Variants in KANK4 observed in about 807,000 individuals in gnomAD.
KANK4 encodes KN motif and ankyrin repeat domain-containing protein 4.
Under a neutral mutation model 80.8 loss-of-function variants are expected in KANK4, and 50 were observed. The observed-to-expected ratio is 0.62, with a 90% CI of 0.49 to 0.78. The LOEUF (loss-of-function observed/expected upper bound fraction) is 0.78, where lower values mean the gene tolerates loss of function less well. Ranked by LOEUF, KANK4 falls within the 30% of genes least tolerant of loss-of-function variation. The probability of loss-of-function intolerance (pLI) is 0.00; values close to 1 mark genes in which losing one functional copy is unlikely to be tolerated. For synonymous variants in KANK4, 465 were observed against 506.9 expected (o/e 0.92, Z 1.11); for missense variants, 1,196 against 1,240.1 (o/e 0.96, Z 0.53).
intron 8 of KANK4, among the ~76,000 whole-genome samples, chr1:62,250,763 G>A (rs1030585255): frequency 5.9e-5 from 9 of 152,194 alleles, no homozygotes; most frequent in Non-Finnish European, 1.0e-4. Context: ...AACATTAGCT[G>A]TATTGAGTCT....
rs1459969953 is a variant in KANK4 at position 62,275,035 on chromosome 1, G to A, written c.69C>T (p.His23=). 1.9e-6 allele frequency: 3 copies of A among 1,613,876 alleles called. No homozygotes were observed. Among genetic ancestry groups the A allele is most frequent in the South Asian group, 1.1e-5 (1 of 91,072 alleles). Residue 23 remains histidine, a synonymous_variant, in exon 3 of 10, where the codon CAC becomes CAT. Transcript: ENST00000371153. ...GDEEKDPPKS[H]PYSVETPYGF... is the part of the protein sequence containing the mutation. ...CATATGGGGTCTCCACAGAATAAGG[G>A]TGGCTCTTCGGAGGGTCTTTCTCTT... is the stretch of plus-strand genomic sequence containing the variant.
At chr1:62,254,237 A>ATTATTTGT (rs1033181388) in intron 7 of KANK4, among the ~76,000 whole-genome samples, 1 of 152,154 alleles carries the variant, frequency 6.6e-6, no homozygotes, top group Admixed American at 6.5e-5. Context: ...GAAACCTAGC[A>ATTATTTGT]TTATTTGTTT....
At chr1:62,256,170 C>T (rs191318228) in intron 7 of KANK4, among the ~76,000 whole-genome samples, 1 of 152,178 alleles carries the variant, frequency 6.6e-6, no homozygotes, top group Non-Finnish European at 1.5e-5. Flanking sequence ...AGATTGGATA[C>T]CCCTGACTTA....
At chr1:62,304,617 G>C (rs896953811) in intron 1 of KANK4, among the ~76,000 whole-genome samples, 3 of 151,964 alleles carry the variant, frequency 2.0e-5, no homozygotes, top group African/African-American at 7.3e-5. Flanking sequence ...CTCTTCGCTT[G>C]CTCCCACCAG....
intron 1 of KANK4, among the ~76,000 whole-genome samples, chr1:62,290,057 G>A (rs757482913): frequency 6.6e-6 from 1 of 152,160 alleles, no homozygotes; most frequent in Non-Finnish European, 1.5e-5. Context: ...ACAGAGTCCG[G>A]TACATAGTCC....
rs1214795784 is a variant in KANK4, at chr1:62,303,905, A to T, written c.-71+15201T>A. Among the ~76,000 whole-genome samples, 7 of 151,480 alleles carry T rather than the reference A, an allele frequency of 4.6e-5. 1 individual carries two copies. The highest frequency in any genetic ancestry group is 4.6e-4 in the Admixed American group (7 of 15,216). ...TTCTTTTTTTTTGAGACAGGCTCTCATTCTGTCACCCAGGCTGAAGTGCAA... is the reference window on the plus strand; with the variant it reads ...TTCTTTTTTTTTGAGACAGGCTCTCTTTCTGTCACCCAGGCTGAAGTGCAA... On this transcript the variant is annotated intron_variant, in intron 1 of 9. Transcript: ENST00000371153.
chr1:62,256,503 A>G (rs918695019), intron 7 of KANK4, among the ~76,000 whole-genome samples: 1 of 151,712 alleles, frequency 6.6e-6, no homozygotes, highest in Non-Finnish European at 1.5e-5. Flanking sequence ...TTCCTGCCTC[A>G]GCCTGAATAG....
chr1:62,293,999 C>T lies in KANK4; in HGVS notation c.-70-12365G>A, dbSNP rs562549343. On this transcript the variant is annotated intron_variant, in intron 1 of 9. Transcript: ENST00000371153. ...GCCTGCTAGAGCAGGTTCTGGTGTT[C>T]GCAACCGTGACCCTTAATGGCTACA... Among the ~76,000 whole-genome samples the T allele has an allele frequency of 1.6e-3, 238 of 152,316 alleles. 2 individuals are homozygous for T. The highest frequency in any genetic ancestry group is 2.1e-3 in the Non-Finnish European group (140 of 68,034).
chr1:62,266,946 A>G (rs1451792770), intron 5 of KANK4, 127 bp from the exon 6 acceptor site: 7 of 610,396 alleles, frequency 1.1e-5, no homozygotes, highest in Non-Finnish European at 2.9e-6. Flanking sequence ...CTGCCCTAGG[A>G]GAGGGTGAGC....
rs373720870 is a variant in KANK4 at position 62,271,469 on chromosome 1, G to C, written c.2012+9C>G. 1 of 1,579,424 alleles carries C rather than the reference G, an allele frequency of 6.3e-7. No individual in the cohort carries two copies. Among genetic ancestry groups the C allele is most frequent in the Non-Finnish European group, 8.7e-7 (1 of 1,148,608 alleles). ...GAAAGGCAGTCTGAGCTTCACAAGC[G>C]ATGCTTACCCACCGTTAACCCCAAC... is the stretch of plus-strand genomic sequence containing the variant. On this transcript the variant is annotated intron_variant, in intron 4 of 9. Transcript: ENST00000371153.
rs547259380 is a variant in KANK4, at chr1:62,309,767, C to T, written c.-71+9339G>A. Among the ~76,000 whole-genome samples the T allele has an allele frequency of 2.0e-5, 3 of 152,254 alleles. 1 individual carries two copies. Among genetic ancestry groups the T allele is most frequent in the East Asian group, 3.9e-4 (2 of 5,172 alleles). On this transcript the variant is annotated intron_variant, in intron 1 of 9. Transcript: ENST00000371153. Reference sequence around the variant, plus strand: ...TTTCACTCTTCCACGGGCCACACTGCGATGGACTAACAGGTTCTCCTTCCA... The same window carrying T: ...TTTCACTCTTCCACGGGCCACACTGTGATGGACTAACAGGTTCTCCTTCCA...
chr1:62,270,586 G>A (rs1035449427), intron 4 of KANK4, among the ~76,000 whole-genome samples: 1 of 152,034 alleles, frequency 6.6e-6, no homozygotes, highest in Non-Finnish European at 1.5e-5. Context: ...GTTTCACCAT[G>A]TTGGCCAGGC....
intron 1 of KANK4, among the ~76,000 whole-genome samples, chr1:62,309,478 C>T (rs1169216459): frequency 1.3e-5 from 2 of 152,194 alleles, no homozygotes; most frequent in African/African-American, 4.8e-5. Context: ...GGATCTTTTA[C>T]CCTATTTTAA....
In KANK4 at chr1:62,293,105, T is replaced by A. The variant is rs1030061342; in HGVS notation, c.-70-11471A>T. ...GTGTGTGTGTGTGTGTGTGTGTGTG[T>A]GAGACAGAGTGTCACTCTGTTGCCC... On this transcript the variant is annotated intron_variant, in intron 1 of 9. Coordinates refer to ENST00000371153, the MANE Select transcript of KANK4 (RefSeq NM_181712.5). Among the ~76,000 whole-genome samples, 38 of 144,014 alleles carry A rather than the reference T, an allele frequency of 2.6e-4. No homozygotes were observed. The East Asian group carries it at 3.3e-3, about 12-fold the overall frequency. The allele number at this position is 144,014 out of a possible 152,430, so 94.5% of individuals were successfully genotyped here.
intron 1 of KANK4, among the ~76,000 whole-genome samples, chr1:62,296,157 G>A (rs1458845909): frequency 6.6e-6 from 1 of 152,164 alleles, no homozygotes. Flanking sequence ...TACCAAACGG[G>A]AAGTGCATTC....
intron 7 of KANK4, among the ~76,000 whole-genome samples, chr1:62,259,838 C>G (rs529377189): frequency 1.3e-5 from 2 of 151,478 alleles, no homozygotes; most frequent in Non-Finnish European, 2.9e-5. Context: ...GTGCTAAATA[C>G]TTAGCAGAAG....
intron 1 of KANK4, among the ~76,000 whole-genome samples, chr1:62,297,530 T>C (rs1644376819): frequency 6.6e-6 from 1 of 152,220 alleles, no homozygotes; most frequent in Non-Finnish European, 1.5e-5. Context: ...TAGCCATCTA[T>C]GAAGCAAGTA....
intron 2 of KANK4, among the ~76,000 whole-genome samples, chr1:62,278,372 C>CT (rs1557493481): frequency 4.1e-5 from 1 of 24,286 alleles, no homozygotes; most frequent in African/African-American, 2.9e-4. Flanking sequence ...TTCCTTCCTT[C>CT]CTTCCTTTCT....
chr1:62,251,043 CT>C (rs1176281971), intron 8 of KANK4, among the ~76,000 whole-genome samples: 1 of 152,204 alleles, frequency 6.6e-6, no homozygotes, highest in Non-Finnish European at 1.5e-5. Context: ...TTGCTCTAGA[CT>C]ATCTTTTTAA....
Sources: allele counts gnomAD v4.1 joint callset (sites outside exome capture counted in the v4.1 genomes callset), GRCh38; gene constraint gnomAD v4.1.1; transcripts MANE v1.5; gene names NCBI Gene and HGNC (gene_info 2026-07-23, HGNC 2026-07-21).